Variants in VTI1A observed in about 807,000 individuals in gnomAD.
VTI1A encodes the protein vesicle transport through interaction with t-SNAREs 1A, also known as vesicle transport through interaction with t-SNAREs homolog 1A.
VTI1A carries 22 observed loss-of-function variants against 34.9 expected under a neutral mutation model. The ratio of observed to expected loss-of-function variants is 0.63; its 90% CI spans 0.45 to 0.90. The LOEUF (loss-of-function observed/expected upper bound fraction) is 0.90, where lower values mean the gene tolerates loss of function less well. VTI1A is among the 40% of genes least tolerant of loss of function. VTI1A has a pLI of 0.00. For missense variants in VTI1A, 268 were observed against 275.6 expected, an observed-to-expected ratio of 0.97 and a Z score of 0.20; for synonymous variants, 87 against 97.3, an observed-to-expected ratio of 0.89 and a Z score of 0.62.
chr10:112,508,179 A>G (rs955616584), intron 3 of VTI1A, among the ~76,000 whole-genome samples: 29 of 152,206 alleles, frequency 1.9e-4, no homozygotes, highest in Non-Finnish European at 3.4e-4. Context: ...TTCTGCCAGC[A>G]ACCAGCTTAA....
At chr10:112,493,795 C>T (rs759905416) in intron 3 of VTI1A, among the ~76,000 whole-genome samples, 21 of 152,076 alleles carry the variant, frequency 1.4e-4, no homozygotes, top group Non-Finnish European at 1.8e-4. Flanking sequence ...AAACCAGCCT[C>T]GTATTCGTAG....
At chr10:112,613,088 T>C (rs1157385980) in intron 5 of VTI1A, among the ~76,000 whole-genome samples, 1 of 152,190 alleles carries the variant, frequency 6.6e-6, no homozygotes, top group Non-Finnish European at 1.5e-5. Flanking sequence ...TTACTCTTTC[T>C]AATAAAGCAT....
the VTI1A span, among the ~76,000 whole-genome samples, chr10:112,835,372 A>G: frequency 6.6e-6 from 1 of 152,218 alleles, no homozygotes; most frequent in African/African-American, 2.4e-5. Flanking sequence ...GCCTCAGGTC[A>G]GGATAGGTGG....
rs1853565629 is a variant in VTI1A at position 112,817,737 on chromosome 10, G to T, written c.*2354G>T. ...CACCAGGAAAGGAATAACGTCCACA[G>T]ACTTGAAGCAGATAGTGAAGTAGAT... On this transcript the variant is annotated 3_prime_UTR_variant, in exon 8 of 8. Coordinates refer to ENST00000393077, the MANE Select transcript of VTI1A (RefSeq NM_145206.4). 1 of 229,946 alleles carries T rather than the reference G, an allele frequency of 4.3e-6. No homozygotes were observed. Among genetic ancestry groups the T allele is most frequent in the Non-Finnish European group, 8.6e-6 (1 of 115,952 alleles). 14.2% of individuals were successfully genotyped at this position (229,946 alleles called of 1,614,324 possible). A position where few individuals can be genotyped will look rare whatever the true frequency, so the allele number is the denominator to read the frequency against.
At chr10:112,453,116 AT>A (rs1381332923) in intron 1 of VTI1A, among the ~76,000 whole-genome samples, 1 of 152,006 alleles carries the variant, frequency 6.6e-6, no homozygotes, top group African/African-American at 2.4e-5. Context: ...CTGGTCAGAT[AT>A]TTTCTAGAAG....
At chr10:112,688,074 C>T (rs1278426285) in intron 7 of VTI1A, among the ~76,000 whole-genome samples, 2 of 151,754 alleles carry the variant, frequency 1.3e-5, no homozygotes, top group African/African-American at 2.4e-5. Context: ...CTGCCTCAGC[C>T]TCCCAAGTAG....
At chr10:112,578,081 G>A (rs1843776889) in intron 5 of VTI1A, among the ~76,000 whole-genome samples, 2 of 152,214 alleles carry the variant, frequency 1.3e-5, no homozygotes, top group Admixed American at 1.3e-4. Context: ...CCCAAGAAGT[G>A]ACCTGGTGAT....
intron 5 of VTI1A, chr10:112,548,534 A>G: frequency 1.6e-6 from 1 of 636,208 alleles, no homozygotes; most frequent in Non-Finnish European, 2.7e-6. Flanking sequence ...TTAAATGGCC[A>G]ATTGAAACAA....
chr10:112,684,099 G>A (rs1382855654), intron 7 of VTI1A, among the ~76,000 whole-genome samples: 1 of 151,444 alleles, frequency 6.6e-6, no homozygotes, highest in Non-Finnish European at 1.5e-5. Context: ...TCAAGAAACA[G>A]GGAGAAAATT....
At chr10:112,625,489 A>C (rs1449903935) in intron 5 of VTI1A, among the ~76,000 whole-genome samples, 1 of 151,882 alleles carries the variant, frequency 6.6e-6, no homozygotes, top group Non-Finnish European at 1.5e-5. Flanking sequence ...AAATACAAAA[A>C]ATTAGCCGGG....
intron 3 of VTI1A, among the ~76,000 whole-genome samples, chr10:112,476,539 G>A (rs375281499): frequency 6.8e-4 from 103 of 152,282 alleles, no homozygotes; most frequent in African/African-American, 2.4e-3. Context: ...TGGTAGTGAT[G>A]TTGCTGAAGG....
intron 1 of VTI1A, among the ~76,000 whole-genome samples, chr10:112,458,707 C>A (rs1358136338): frequency 1.3e-5 from 2 of 151,582 alleles, no homozygotes; most frequent in African/African-American, 4.9e-5. Context: ...CGCACTGTTG[C>A]CCAGGCTGGA....
At chr10:112,469,017 A>G (rs1435649067) in intron 3 of VTI1A, among the ~76,000 whole-genome samples, 1 of 152,150 alleles carries the variant, frequency 6.6e-6, no homozygotes, top group Non-Finnish European at 1.5e-5. Flanking sequence ...CCTGTACACC[A>G]TTCCATAATT....
chr10:112,585,162 C>G (rs1023433330), intron 5 of VTI1A, among the ~76,000 whole-genome samples: 1 of 152,150 alleles, frequency 6.6e-6, no homozygotes, highest in Non-Finnish European at 1.5e-5. Context: ...ATGTATGCTA[C>G]AAAATGTCGA....
intron 1 of VTI1A, among the ~76,000 whole-genome samples, chr10:112,459,863 A>T (rs966398327): frequency 6.6e-6 from 1 of 152,220 alleles, no homozygotes; most frequent in African/African-American, 2.4e-5. Context: ...ATAATATTAA[A>T]GTAATTTCAC....
At chr10:112,684,834 G>T (rs898585770) in intron 7 of VTI1A, among the ~76,000 whole-genome samples, 1 of 152,094 alleles carries the variant, frequency 6.6e-6, no homozygotes, top group Admixed American at 6.6e-5. Flanking sequence ...TTCAAGAAAG[G>T]TATATGATTT....
chr10:112,748,620 C>CTTTTTT lies in VTI1A; in HGVS notation c.561-66652_561-66647dup, dbSNP rs561301572. Among the ~76,000 whole-genome samples, 86 of 104,914 alleles carry CTTTTTT rather than the reference C, an allele frequency of 8.2e-4. 1 individual carries two copies. Among genetic ancestry groups the CTTTTTT allele is most frequent in the African/African-American group, 2.0e-3 (45 of 22,930 alleles). 68.8% of individuals were successfully genotyped at this position (104,914 alleles called of 152,430 possible). A position where few individuals can be genotyped will look rare whatever the true frequency, so the allele number is the denominator to read the frequency against. On this transcript the variant is annotated intron_variant, in intron 7 of 7. Coordinates refer to ENST00000393077, the MANE Select transcript of VTI1A (RefSeq NM_145206.4). ...CTTTTTTTTTTTTTAATTTAGAAAC[C>CTTTTTT]TTTTTTTTTTTTTTTTTTTTTTTGA...
rs1468502073 is a variant in VTI1A, at chr10:112,673,456, G to A, written c.560+4458G>A. Among the ~76,000 whole-genome samples, 12 of 73,920 alleles carry A rather than the reference G, an allele frequency of 1.6e-4. No homozygotes were observed. The South Asian group carries it at 1.9e-3, about 12-fold the overall frequency. The allele number at this position is 73,920 out of a possible 152,430, so 48.5% of individuals were successfully genotyped here. The stretch of plus-strand genomic sequence containing the variant: ...TATTTGCCCCCATTCACACACATGC[G>A]CGCGTGCGCGCGCACACACACACAC... On this transcript the variant is annotated intron_variant, in intron 7 of 7. Transcript: ENST00000393077.
intron 3 of VTI1A, among the ~76,000 whole-genome samples, chr10:112,502,460 A>G (rs932511815): frequency 1.3e-5 from 2 of 152,228 alleles, no homozygotes; most frequent in Admixed American, 1.3e-4. Context: ...CCCTACAAAA[A>G]AAGAAAGACA....
Sources: gnomAD v4.1 joint callset for allele counts (sites outside exome capture counted in the v4.1 genomes callset) on GRCh38, gnomAD v4.1.1 for gene constraint, MANE v1.5 for transcripts, NCBI Gene and HGNC (gene_info 2026-07-23, HGNC 2026-07-21) for gene names.